The following PRTG variants were observed in gnomAD, a reference collection of about 807,000 sequenced individuals.
The protein encoded by PRTG is protogenin.
PRTG carries 67 observed loss-of-function variants against 122.5 expected under a neutral mutation model. The ratio of observed to expected loss-of-function variants is 0.55; its 90% CI spans 0.45 to 0.67. PRTG has a LOEUF of 0.67. Ranked by LOEUF, PRTG falls within the 30% of genes least tolerant of loss-of-function variation. The probability of loss-of-function intolerance (pLI) is 0.00; values close to 1 mark genes in which losing one functional copy is unlikely to be tolerated. For synonymous variants in PRTG, 554 were observed against 501.1 expected (o/e 1.11, Z -1.41); for missense variants, 1,435 against 1,415.4 (o/e 1.01, Z -0.22).
intron 2 of PRTG, among the ~76,000 whole-genome samples, chr15:55,731,657 C>T (rs2031238684): frequency 6.6e-6 from 1 of 152,140 alleles, no homozygotes; most frequent in South Asian, 2.1e-4. Flanking sequence ...GCGTGAGCCA[C>T]CATGCCCAGC....
intron 2 of PRTG, among the ~76,000 whole-genome samples, chr15:55,725,816 G>C (rs2031009621): frequency 6.6e-6 from 1 of 152,198 alleles, no homozygotes; most frequent in South Asian, 2.1e-4. Flanking sequence ...CTGTCACATA[G>C]GCTGGAGTGC....
At chr15:55,635,432 G>T (rs928118474) in intron 15 of PRTG, among the ~76,000 whole-genome samples, 43 of 152,308 alleles carry the variant, frequency 2.8e-4, no homozygotes, top group African/African-American at 8.9e-4. Context: ...TATCAAAACT[G>T]TAATATGGCT....
At chr15:55,651,578 T>G (rs1181117181) in intron 11 of PRTG, among the ~76,000 whole-genome samples, 1 of 152,198 alleles carries the variant, frequency 6.6e-6, no homozygotes, top group African/African-American at 2.4e-5. Context: ...TCAAACTTTA[T>G]GGACTCTTTG....
At chr15:55,704,925 T>C (rs753326228) in intron 2 of PRTG, among the ~76,000 whole-genome samples, 5 of 152,162 alleles carry the variant, frequency 3.3e-5, no homozygotes, top group African/African-American at 4.8e-5. Flanking sequence ...GTTCACAACA[T>C]AATGATGTCT....
intron 18 of PRTG, among the ~76,000 whole-genome samples, chr15:55,623,782 T>A: frequency 6.6e-6 from 1 of 152,338 alleles, no homozygotes; most frequent in South Asian, 2.1e-4. Context: ...TTATTATATA[T>A]ACTGGAAAGG....
Position 55,743,119 on chromosome 15 carries a change from G to A in PRTG, c.-188C>T. 1 of 1,277,018 alleles carries A rather than the reference G, an allele frequency of 7.8e-7. No homozygotes were observed. The highest frequency in any genetic ancestry group is 9.8e-7 in the Non-Finnish European group (1 of 1,016,552). The allele number at this position is 1,277,018 out of a possible 1,614,324, so 79.1% of individuals were successfully genotyped here. ...GTGCTCGGACGGCCGCTCGCGAGAA[G>A]CAAGGGGCCTGAGAGTCCGGCTGGG... On this transcript the variant is annotated 5_prime_UTR_variant, in exon 1 of 20. Coordinates refer to ENST00000389286, the MANE Select transcript of PRTG (RefSeq NM_173814.6).
Position 55,612,394 on chromosome 15 carries a change from T to G in PRTG, c.*7618A>C, listed in dbSNP as rs1423732740. ...TACAAGCTATGAACTTAAGGAAATC[T>G]GCAAAGCTGTTCAGAATAGTATATG... is the stretch of plus-strand genomic sequence containing the variant. On this transcript the variant is annotated 3_prime_UTR_variant, in exon 20 of 20. Transcript: ENST00000389286. 6.6e-6 allele frequency: 1 copy of G among 151,944 alleles called. No homozygotes were observed. Among genetic ancestry groups the G allele is most frequent in the African/African-American group, 2.4e-5 (1 of 41,362 alleles). The allele number at this position is 151,944 out of a possible 1,614,324, so 9.4% of individuals were successfully genotyped here.
rs371194589 is a variant in PRTG, at chr15:55,732,370, A to G, written c.397+8012T>C. On this transcript the variant is annotated intron_variant, in intron 2 of 19. Transcript: ENST00000389286. The stretch of plus-strand genomic sequence containing the variant: ...CAGCTAATTTTTGTATTTTTAGTAG[A>G]GATGGTGTTTCACCATGTTGGCCAG... Among the ~76,000 whole-genome samples the G allele has an allele frequency of 1.5e-4, 22 of 151,090 alleles. No individual in the cohort carries two copies. In the East Asian group the frequency reaches 4.1e-3, roughly 28 times the overall value.
chr15:55,717,240 T>C (rs2030633340), intron 2 of PRTG, among the ~76,000 whole-genome samples: 1 of 152,140 alleles, frequency 6.6e-6, no homozygotes, highest in Non-Finnish European at 1.5e-5. Flanking sequence ...TCACATAAAA[T>C]AGTAGACACA....
At chr15:55,669,298 G>A (rs1382011523) in intron 11 of PRTG, among the ~76,000 whole-genome samples, 4 of 152,094 alleles carry the variant, frequency 2.6e-5, no homozygotes, top group East Asian at 1.9e-4. Context: ...TTTCCAAGCC[G>A]ACTTAGCAAA....
chr15:55,711,363 C>T (rs769756423), intron 2 of PRTG, among the ~76,000 whole-genome samples: 2 of 152,140 alleles, frequency 1.3e-5, no homozygotes, highest in Non-Finnish European at 2.9e-5. Context: ...TGATCCTTGA[C>T]CTTGCCTCTG....
intron 11 of PRTG, among the ~76,000 whole-genome samples, chr15:55,665,920 A>T (rs2059436874): frequency 6.6e-6 from 1 of 152,226 alleles, no homozygotes; most frequent in Non-Finnish European, 1.5e-5. Flanking sequence ...TATGAAATTC[A>T]TACTTCAGTG....
rs2059532662 is a variant in PRTG, at chr15:55,680,609, G to A, written c.696C>T (p.Phe232=). Reference sequence around the variant, plus strand: ...GACCTGCTATAATTGTTGGTGTGTGGAAGGATTTTGACTCCTTAGCTTTGG... The same window carrying A: ...GACCTGCTATAATTGTTGGTGTGTGAAAGGATTTTGACTCCTTAGCTTTGG... ...TVIPAKESKS[F]HTPTIIAGPQ... is the part of the protein sequence containing the mutation. Residue 232 remains phenylalanine, a synonymous_variant, in exon 5 of 20, where the codon TTC becomes TTT. Transcript: ENST00000389286. 1.3e-6 allele frequency: 2 copies of A among 1,551,696 alleles called. No homozygotes were observed. The highest frequency in any genetic ancestry group is 2.7e-5 in the African/African-American group (2 of 73,598).
intron 3 of PRTG, 47 bp downstream of exon 3, chr15:55,683,740 T>C (rs1460179441): frequency 2.6e-6 from 4 of 1,510,742 alleles, no homozygotes; most frequent in Non-Finnish European, 3.6e-6. Context: ...TCATATGAAG[T>C]CTTCATTACT....
chr15:55,690,467 G>A (rs2059594445), intron 2 of PRTG, among the ~76,000 whole-genome samples: 1 of 152,086 alleles, frequency 6.6e-6, no homozygotes, highest in Non-Finnish European at 1.5e-5. Flanking sequence ...GAAGAAAAAG[G>A]ACAGAGCACC....
intron 11 of PRTG, among the ~76,000 whole-genome samples, chr15:55,644,852 G>A (rs978482346): frequency 6.6e-5 from 10 of 152,052 alleles, no homozygotes; most frequent in African/African-American, 2.4e-4. Context: ...CATACTATAT[G>A]GAAAAAATAA....
chr15:55,632,889 C>A (rs2059235701), intron 15 of PRTG, among the ~76,000 whole-genome samples: 1 of 152,192 alleles, frequency 6.6e-6, no homozygotes, highest in African/African-American at 2.4e-5. Flanking sequence ...TAGAGCCTGG[C>A]ACATAGTCAT....
chr15:55,674,107 T>A (rs1595638880), intron 9 of PRTG, among the ~76,000 whole-genome samples: 2 of 152,254 alleles, frequency 1.3e-5, no homozygotes, highest in African/African-American at 4.8e-5. Context: ...TAAAAATTAA[T>A]GTGAATTTTG....
chr15:55,702,534 A>G lies in PRTG; in HGVS notation c.398-18603T>C, dbSNP rs1304251064. ...AGAGCATATAGTATAATGTGTACATAGTAATAATCTGAAGAACCATAAGAT... is the reference window on the plus strand; with the variant it reads ...AGAGCATATAGTATAATGTGTACATGGTAATAATCTGAAGAACCATAAGAT... On this transcript the variant is annotated intron_variant, in intron 2 of 19. Coordinates refer to ENST00000389286, the MANE Select transcript of PRTG (RefSeq NM_173814.6). 1.3e-5 allele frequency among the ~76,000 whole-genome samples: 2 copies of G among 152,234 alleles called. 1 individual carries two copies. The highest frequency in any genetic ancestry group is 1.3e-4 in the Admixed American group (2 of 15,284).
Sources: allele counts gnomAD v4.1 joint callset (sites outside exome capture counted in the v4.1 genomes callset), GRCh38; gene constraint gnomAD v4.1.1; transcripts MANE v1.5; gene names NCBI Gene and HGNC (gene_info 2026-07-23, HGNC 2026-07-21).